NRP1: variants seen among roughly 807,000 people sequenced by gnomAD.
NRP1 encodes neuropilin 1, also known as neuropilin-1.
Under a neutral mutation model 106.7 loss-of-function variants are expected in NRP1, and 35 were observed. That is an observed-to-expected ratio of 0.33 (90% confidence interval 0.25 to 0.43). The LOEUF is 0.43. Ranked by LOEUF, NRP1 falls within the 20% of genes least tolerant of loss-of-function variation. NRP1 has a pLI of 1.00. For missense variants in NRP1, 1,024 were observed against 1,170.4 expected, an observed-to-expected ratio of 0.87 and a Z score of 1.83; for synonymous variants, 437 against 417.9, an observed-to-expected ratio of 1.05 and a Z score of -0.56.
intron 6 of NRP1, among the ~76,000 whole-genome samples, chr10:33,240,747 A>G (rs1343178511): frequency 6.6e-6 from 1 of 152,122 alleles, no homozygotes; most frequent in African/African-American, 2.4e-5. Context: ...AGCTGATGGG[A>G]TTACTGAGAT....
chr10:33,278,089 C>T (rs945647753), intron 2 of NRP1, among the ~76,000 whole-genome samples: 47 of 152,282 alleles, frequency 3.1e-4, no homozygotes, highest in African/African-American at 9.6e-4. Context: ...TGTGTTTATG[C>T]ATATTTGCAT....
chr10:33,298,500 T>C lies in NRP1; in HGVS notation c.249-27644A>G, dbSNP rs1047750167. On this transcript the variant is annotated intron_variant, in intron 2 of 16. Coordinates refer to ENST00000374867, the MANE Select transcript of NRP1 (RefSeq NM_003873.7). ...CCCAAGATCTCCAACTGCTTTTCAC[T>C]TACTACCCTGGAAAGAACCCCAGTA... 2.0e-5 allele frequency among the ~76,000 whole-genome samples: 3 copies of C among 152,128 alleles called. No individual in the cohort carries two copies. In the East Asian group the frequency reaches 5.8e-4, roughly 29 times the overall value.
At chr10:33,196,428 C>T (rs1419264928) in intron 12 of NRP1, among the ~76,000 whole-genome samples, 1 of 152,174 alleles carries the variant, frequency 6.6e-6, no homozygotes, top group Non-Finnish European at 1.5e-5. Flanking sequence ...GGGCTGAGAA[C>T]TTTCAGGAAA....
intron 6 of NRP1, among the ~76,000 whole-genome samples, chr10:33,228,311 G>T (rs1036011010): frequency 6.6e-6 from 1 of 152,116 alleles, no homozygotes; most frequent in Non-Finnish European, 1.5e-5. Flanking sequence ...GGCAGACGCC[G>T]CAGTGAGCTG....
intron 6 of NRP1, among the ~76,000 whole-genome samples, chr10:33,235,378 T>G (rs778001700): frequency 2.6e-4 from 40 of 152,204 alleles, no homozygotes; most frequent in Non-Finnish European, 4.0e-4. Context: ...GAATGCCATT[T>G]TCAGGTGGAG....
intron 8 of NRP1, among the ~76,000 whole-genome samples, chr10:33,215,028 C>T (rs192612597): frequency 6.3e-4 from 96 of 152,136 alleles, no homozygotes; most frequent in African/African-American, 9.9e-4. Flanking sequence ...TATTTTACCC[C>T]GACAATAGAA....
rs150976370 is a variant in NRP1, at chr10:33,274,167, C to A, written c.249-3311G>T. Among the ~76,000 whole-genome samples the A allele has an allele frequency of 5.0e-3, 759 of 152,268 alleles. 10 individuals are homozygous for A. The highest frequency in any genetic ancestry group is 0.017 in the African/African-American group (714 of 41,536). The stretch of plus-strand genomic sequence containing the variant: ...TAAACCCTTTTGCAATTAAAAGGTA[C>A]TTTGCCACAGTTTCAACGTTAGGGT... On this transcript the variant is annotated intron_variant, in intron 2 of 16. Transcript: ENST00000374867.
chr10:33,186,439 T>C lies in NRP1; in HGVS notation c.2112A>G (p.Lys704=). The C allele has an allele frequency of 1.2e-6, 2 of 1,614,002 alleles. No individual in the cohort carries two copies. The highest frequency in any genetic ancestry group is 3.3e-5 in the Admixed American group (2 of 60,002). ...CCACAGGGCTCACCAGGCGAGCCAC[T>C]TTGCCCTTCTGATTTTCGTCAGCTT... ...YSQADENQKG[K]VARLVSPVVY... The change falls in exon 14 of 17, where the codon AAA becomes AAG. Residue 704 remains lysine (K), a synonymous_variant. Transcript: ENST00000374867.
intron 10 of NRP1, among the ~76,000 whole-genome samples, chr10:33,203,451 T>A (rs1386504843): frequency 6.6e-6 from 1 of 152,186 alleles, no homozygotes; most frequent in Non-Finnish European, 1.5e-5. Flanking sequence ...ATATTATAAT[T>A]CTTCCCCAAA....
chr10:33,270,457 G>A (rs1213421069), intron 3 of NRP1, among the ~76,000 whole-genome samples: 1 of 151,898 alleles, frequency 6.6e-6, no homozygotes, highest in Non-Finnish European at 1.5e-5. Context: ...CTCCTGAGTA[G>A]CTGGGATTAC....
intron 16 of NRP1, among the ~76,000 whole-genome samples, chr10:33,180,573 C>T (rs989373502): frequency 6.6e-5 from 10 of 152,174 alleles, no homozygotes; most frequent in Non-Finnish European, 1.5e-4. Context: ...CACGTGGAAA[C>T]AACCCATTCT....
rs569915664 is a variant in NRP1 at position 33,207,470 on chromosome 10, G to A, written c.1759+102C>T. On this transcript the variant is annotated intron_variant, in intron 10 of 16. Transcript: ENST00000374867. ...GGCACCGAGATAAGGGGCCTCCCAA[G>A]GGAAAAGGGTAGGCAATTTGCAAAG... 3 of 1,323,802 alleles carry A rather than the reference G, an allele frequency of 2.3e-6. No individual in the cohort carries two copies. In the South Asian group the frequency reaches 4.1e-5, roughly 18 times the overall value. The allele number at this position is 1,323,802 out of a possible 1,614,324, so 82.0% of individuals were successfully genotyped here. A position where few individuals can be genotyped will look rare whatever the true frequency, so the allele number is the denominator to read the frequency against.
intron 6 of NRP1, among the ~76,000 whole-genome samples, 157 bp downstream of exon 6, chr10:33,253,871 G>A (rs896524993): frequency 2.0e-5 from 3 of 152,148 alleles, no homozygotes; most frequent in South Asian, 2.1e-4. Flanking sequence ...CCTGATGGCC[G>A]TGAACCTATC....
intron 2 of NRP1, among the ~76,000 whole-genome samples, chr10:33,304,703 G>A (rs1385925301): frequency 6.6e-6 from 1 of 152,170 alleles, no homozygotes; most frequent in African/African-American, 2.4e-5. Flanking sequence ...GCATTCAACA[G>A]TCGACTCCTC....
rs754210318 is a variant in NRP1, at chr10:33,207,674, T to A, written c.1657A>T (p.Thr553Ser). ...NNNYDTPELR[T>S]FPALSTRFIR... ...AATCGCGTGGAGAGAGCTGGAAAAG[T>A]CCGCAGCTCAGGTGTATCATAGTTG... Residue 553 changes from threonine to serine, a missense_variant, in exon 10 of 17, where the codon ACT becomes TCT. This residue lies in a region of NRP1 where 562 missense variants were observed against 620.3 expected (regional missense o/e 0.91). Coordinates refer to ENST00000374867, the MANE Select transcript of NRP1 (RefSeq NM_003873.7). The A allele has an allele frequency of 6.2e-7, 1 of 1,613,890 alleles. No homozygotes were observed. Among genetic ancestry groups the A allele is most frequent in the South Asian group, 1.1e-5 (1 of 91,046 alleles).
intron 2 of NRP1, among the ~76,000 whole-genome samples, chr10:33,310,091 A>G (rs1370001221): frequency 7.1e-6 from 1 of 141,358 alleles, no homozygotes; most frequent in Admixed American, 7.1e-5. Context: ...GGGACTACAG[A>G]CGCCCGCCAC....
chr10:33,190,177 C>T (rs1414781292), intron 13 of NRP1, among the ~76,000 whole-genome samples: 2 of 152,218 alleles, frequency 1.3e-5, no homozygotes, highest in Non-Finnish European at 1.5e-5. Context: ...TTCATTTTCT[C>T]AATTAGCACT....
intron 2 of NRP1, among the ~76,000 whole-genome samples, chr10:33,325,960 A>G (rs1682886266): frequency 6.6e-6 from 1 of 152,170 alleles, no homozygotes; most frequent in South Asian, 2.1e-4. Flanking sequence ...GAAAAGCACT[A>G]CTGGGTTTGA....
At chr10:33,261,050 G>A (rs1362225268) in intron 4 of NRP1, among the ~76,000 whole-genome samples, 2 of 139,438 alleles carry the variant, frequency 1.4e-5, no homozygotes, top group African/African-American at 2.7e-5. Flanking sequence ...AAAAAAGAAA[G>A]CTGTTATGCA....
Sources: allele counts gnomAD v4.1 joint callset (sites outside exome capture counted in the v4.1 genomes callset), GRCh38; gene constraint gnomAD v4.1.1; regional missense constraint gnomAD v4.1.1; transcripts MANE v1.5; gene names NCBI Gene and HGNC (gene_info 2026-07-23, HGNC 2026-07-21).